BBS9: variants seen among roughly 807,000 people sequenced by gnomAD.
BBS9 encodes the protein Bardet-Biedl syndrome 9, also known as protein PTHB1.
Under a neutral mutation model 117.7 loss-of-function variants are expected in BBS9, and 89 were observed. The ratio of observed to expected loss-of-function variants is 0.76; its 90% confidence interval spans 0.64 to 0.90. BBS9 has a LOEUF of 0.90. Ranked by LOEUF, BBS9 falls within the 40% of genes least tolerant of loss-of-function variation. The probability of loss-of-function intolerance (pLI) is 0.00; values close to 1 mark genes in which losing one functional copy is unlikely to be tolerated. For missense variants in BBS9, 982 were observed against 1,042.2 expected, an observed-to-expected ratio of 0.94 and a Z score of 0.80; for synonymous variants, 379 against 370.9, an observed-to-expected ratio of 1.02 and a Z score of -0.25.
chr7:33,585,073 A>G (rs892281609), intron 21 of BBS9, among the ~76,000 whole-genome samples: 1 of 152,056 alleles, frequency 6.6e-6, no homozygotes, highest in Non-Finnish European at 1.5e-5. Context: ...TGTAAATCCT[A>G]TCTACTCTAA....
chr7:33,478,167 T>C (rs1013299939), intron 19 of BBS9, among the ~76,000 whole-genome samples: 5 of 152,204 alleles, frequency 3.3e-5, no homozygotes, highest in African/African-American at 1.2e-4. Context: ...ATTAAAATTA[T>C]AGTTGTGAAC....
chr7:33,466,707 GA>G (rs1046967191), intron 19 of BBS9, among the ~76,000 whole-genome samples: 2 of 151,910 alleles, frequency 1.3e-5, no homozygotes, highest in African/African-American at 2.4e-5. Context: ...AAAAACACTG[GA>G]AAAAAAGAAG....
chr7:33,491,702 C>T (rs1255713065), intron 19 of BBS9, among the ~76,000 whole-genome samples: 1 of 152,092 alleles, frequency 6.6e-6, no homozygotes, highest in African/African-American at 2.4e-5. Context: ...TAGAAGGGGA[C>T]ACACAGGGTG....
intron 19 of BBS9, among the ~76,000 whole-genome samples, chr7:33,499,623 G>A (rs1231506457): frequency 2.6e-5 from 4 of 152,188 alleles, no homozygotes; most frequent in Non-Finnish European, 5.9e-5. Flanking sequence ...AGACTGATAT[G>A]CAGGCAGAAG....
intron 21 of BBS9, among the ~76,000 whole-genome samples, chr7:33,593,691 A>G (rs1862288505): frequency 6.6e-6 from 1 of 152,116 alleles, no homozygotes; most frequent in Non-Finnish European, 1.5e-5. Context: ...CCAGACAGCA[A>G]TTCACCTACA....
intron 1 of BBS9, among the ~76,000 whole-genome samples, chr7:33,143,895 G>A (rs1791934724): frequency 8.5e-6 from 1 of 117,226 alleles, no homozygotes; most frequent in African/African-American, 2.8e-5. Context: ...AGATGTGTCT[G>A]TTCAGGTTCT....
intron 4 of BBS9, chr7:33,157,568 T>C (rs1302367077): frequency 1.3e-5 from 2 of 152,218 alleles, no homozygotes; most frequent in Non-Finnish European, 2.9e-5. Context: ...TTTTGTTCTC[T>C]TGAATATGTT....
intron 19 of BBS9, among the ~76,000 whole-genome samples, chr7:33,434,309 T>C (rs1406929581): frequency 2.0e-5 from 3 of 151,970 alleles, no homozygotes; most frequent in Non-Finnish European, 4.4e-5. Flanking sequence ...TTTTAGCTTA[T>C]GTTGCTGTAA....
At chr7:33,256,793 A>ATG (rs889833712) in intron 5 of BBS9, among the ~76,000 whole-genome samples, 3 of 152,072 alleles carry the variant, frequency 2.0e-5, no homozygotes, top group Admixed American at 1.3e-4. Context: ...ATTTTTCCCT[A>ATG]TGTAATACAT....
intron 19 of BBS9, among the ~76,000 whole-genome samples, chr7:33,488,172 C>A (rs1403092108): frequency 6.6e-6 from 1 of 152,164 alleles, no homozygotes; most frequent in African/African-American, 2.4e-5. Context: ...ATCTGTGTTT[C>A]CATTTTCTTC....
intron 21 of BBS9, among the ~76,000 whole-genome samples, chr7:33,580,897 GCT>G (rs568983012): frequency 2.0e-5 from 3 of 152,130 alleles, no homozygotes; most frequent in Non-Finnish European, 4.4e-5. Flanking sequence ...GAGGTTTAAT[GCT>G]CTCTCTGCAT....
intron 7 of BBS9, among the ~76,000 whole-genome samples, chr7:33,268,883 G>A (rs1466250378): frequency 5.3e-5 from 8 of 152,168 alleles, no homozygotes; most frequent in Non-Finnish European, 7.3e-5. Flanking sequence ...GACGTACAAA[G>A]CCAAATGCTA....
Position 33,585,398 on chromosome 7 carries a change from A to G in BBS9, c.2522-19467A>G, listed in dbSNP as rs905067756. Among the ~76,000 whole-genome samples, 72 of 152,188 alleles carry G rather than the reference A, an allele frequency of 4.7e-4. 1 individual carries two copies. The highest frequency in any genetic ancestry group is 1.6e-3 in the African/African-American group (67 of 41,564). ...GACAGTAATTCACAACTGCATTTCTATGTGTCTTTCCTTTCTGACAAGGAG... is the reference window on the plus strand; with the variant it reads ...GACAGTAATTCACAACTGCATTTCTGTGTGTCTTTCCTTTCTGACAAGGAG... On this transcript the variant is annotated intron_variant, in intron 21 of 22. Coordinates refer to ENST00000242067, the MANE Select transcript of BBS9 (RefSeq NM_198428.3).
chr7:33,228,111 C>A (rs1434370645), intron 5 of BBS9, among the ~76,000 whole-genome samples: 1 of 152,110 alleles, frequency 6.6e-6, no homozygotes, highest in Admixed American at 6.6e-5. Context: ...AAAAGTGTTT[C>A]TTTTTCACCA....
At chr7:33,421,164 TG>T (rs1172196999) in intron 19 of BBS9, among the ~76,000 whole-genome samples, 1 of 151,810 alleles carries the variant, frequency 6.6e-6, no homozygotes, top group Non-Finnish European at 1.5e-5. Context: ...TGCTTTAATT[TG>T]GTGAGGATTT....
chr7:33,601,583 G>A (rs953166712), intron 21 of BBS9, among the ~76,000 whole-genome samples: 21 of 152,054 alleles, frequency 1.4e-4, no homozygotes, highest in Middle Eastern at 3.2e-3. Context: ...TGTCAATTTA[G>A]TAGATGTGGG....
intron 21 of BBS9, among the ~76,000 whole-genome samples, chr7:33,563,925 A>G (rs1253181463): frequency 2.0e-5 from 3 of 152,186 alleles, no homozygotes; most frequent in Non-Finnish European, 4.4e-5. Context: ...CTAACTTAAG[A>G]CTGCAGATCT....
At chr7:33,244,049 T>C (rs1794946955) in intron 5 of BBS9, among the ~76,000 whole-genome samples, 1 of 152,020 alleles carries the variant, frequency 6.6e-6, no homozygotes, top group African/African-American at 2.4e-5. Context: ...ACCAACATGA[T>C]GAAACCCTGT....
At chr7:33,299,747 AT>A (rs1805993856) in intron 9 of BBS9, among the ~76,000 whole-genome samples, 1 of 152,034 alleles carries the variant, frequency 6.6e-6, no homozygotes, top group African/African-American at 2.4e-5. Context: ...CCAAACAATA[AT>A]TTTTGAAGCA....
Sources: allele counts gnomAD v4.1 joint callset (sites outside exome capture counted in the v4.1 genomes callset), GRCh38; gene constraint gnomAD v4.1.1; transcripts MANE v1.5; gene names NCBI Gene and HGNC (gene_info 2026-07-23, HGNC 2026-07-21).